EFR3B: variants seen among roughly 807,000 people sequenced by gnomAD.
EFR3B encodes EFR3 homolog B, also known as protein EFR3 homolog B.
Under a neutral mutation model 104.7 loss-of-function variants are expected in EFR3B, and 64 were observed. The observed-to-expected ratio is 0.61, with a 90% CI of 0.50 to 0.75. EFR3B has a LOEUF of 0.75. Among genes scored for constraint, EFR3B ranks in the 30% least tolerant of loss-of-function variants. EFR3B has a pLI of 0.00. For synonymous variants in EFR3B, 385 were observed against 417.9 expected (o/e 0.92, Z 0.96); for missense variants, 750 against 1,078.5 (o/e 0.70, Z 4.27).
At chr2:25,053,665 G>C (rs1299689396) in intron 1 of EFR3B, among the ~76,000 whole-genome samples, 1 of 152,182 alleles carries the variant, frequency 6.6e-6, no homozygotes, top group Non-Finnish European at 1.5e-5. Flanking sequence ...AGCACTTTGG[G>C]AGGCTGAGGT....
chr2:25,142,010 C>T lies in EFR3B; in HGVS notation c.1922+577C>T, dbSNP rs529666994. Among the ~76,000 whole-genome samples, 42 of 152,196 alleles carry T rather than the reference C, an allele frequency of 2.8e-4. No homozygotes were observed. The South Asian group carries it at 4.0e-3, about 14-fold the overall frequency. On this transcript the variant is annotated intron_variant, in intron 17 of 22. Coordinates refer to ENST00000403714, the MANE Select transcript of EFR3B (RefSeq NM_014971.2). Reference sequence around the variant, plus strand: ...GGATATCTGTGTATATTTAAAAATACGGGACTAAGCTGGGTGCGGTGGCTC... The same window carrying T: ...GGATATCTGTGTATATTTAAAAATATGGGACTAAGCTGGGTGCGGTGGCTC...
chr2:25,140,002 T>G (rs114430606), intron 16 of EFR3B, among the ~76,000 whole-genome samples: 1 of 152,142 alleles, frequency 6.6e-6, no homozygotes, highest in African/African-American at 2.4e-5. Flanking sequence ...GATACCAACA[T>G]GTAGGATTAA....
At chr2:25,128,126 G>T in intron 5 of EFR3B, 57 bp from the exon 6 acceptor site, 1 of 1,544,524 alleles carries the variant, frequency 6.5e-7, no homozygotes, top group Middle Eastern at 1.7e-4. Flanking sequence ...AGCCACCGAA[G>T]CTGGACTTCT....
chr2:25,042,179 T>C lies in EFR3B; in HGVS notation c.-134T>C, dbSNP rs1257305866. 4 of 914,668 alleles carry C rather than the reference T, an allele frequency of 4.4e-6. No individual in the cohort carries two copies. The highest frequency in any genetic ancestry group is 5.6e-6 in the Non-Finnish European group (4 of 712,968). 56.7% of individuals were successfully genotyped at this position (914,668 alleles called of 1,614,324 possible). On this transcript the variant is annotated 5_prime_UTR_variant, in exon 1 of 23. Coordinates refer to ENST00000403714, the MANE Select transcript of EFR3B (RefSeq NM_014971.2). The surrounding 1 kb of genome is among the most constrained non-coding windows in gnomAD (Gnocchi z 5.4). ...GCCCGCGGCCGGCCCCCGCGTCTGC[T>C]CCCTCCCCGCCCGGGCCCCTGTCGG...
rs57922304 is a variant in EFR3B at position 25,071,259 on chromosome 2, C to CT, written c.8-20049dup. On this transcript the variant is annotated intron_variant, in intron 1 of 22. Coordinates refer to ENST00000403714, the MANE Select transcript of EFR3B (RefSeq NM_014971.2). ...ACAGGCATGAGCCACCGTGCCCGGC[C>CT]TTTTTTTTTTTTTTTTTCTGAGACA... is the stretch of plus-strand genomic sequence containing the variant. Among the ~76,000 whole-genome samples, 720 of 116,952 alleles carry CT rather than the reference C, an allele frequency of 6.2e-3. 6 individuals carry two copies. Among genetic ancestry groups the CT allele is most frequent in the African/African-American group, 0.015 (470 of 30,770 alleles). The allele number at this position is 116,952 out of a possible 152,430, so 76.7% of individuals were successfully genotyped here. A position where few individuals can be genotyped will look rare whatever the true frequency, so the allele number is the denominator to read the frequency against.
At chr2:25,079,827 CAAT>C in intron 1 of EFR3B, 1 of 740,346 alleles carries the variant, frequency 1.4e-6, no homozygotes, top group Non-Finnish European at 2.4e-6. Flanking sequence ...CCAAAAAGAA[CAAT>C]AACACAGAAC....
chr2:25,043,530 T>A (rs1425640703), intron 1 of EFR3B, among the ~76,000 whole-genome samples: 1 of 152,134 alleles, frequency 6.6e-6, no homozygotes, highest in Non-Finnish European at 1.5e-5. Flanking sequence ...ATCGGTCTCC[T>A]TCCCTGCCCA....
rs890851682 is a variant in EFR3B, at chr2:25,156,216, T to C, written c.*1876T>C. On this transcript the variant is annotated 3_prime_UTR_variant, in exon 23 of 23. Coordinates refer to ENST00000403714, the MANE Select transcript of EFR3B (RefSeq NM_014971.2). ...AGGGGCTATTTGACCCTCATTCCCA[T>C]AGTTTTGGCACTTCAAATGAAGCTC... The C allele has an allele frequency of 6.6e-6, 1 of 151,864 alleles. No homozygotes were observed. Among genetic ancestry groups the C allele is most frequent in the Non-Finnish European group, 1.5e-5 (1 of 67,996 alleles). 9.4% of individuals were successfully genotyped at this position (151,864 alleles called of 1,614,324 possible).
intron 1 of EFR3B, chr2:25,080,992 C>A: frequency 2.6e-6 from 2 of 756,648 alleles, no homozygotes; most frequent in South Asian, 2.8e-5. Flanking sequence ...TCAACAGGTT[C>A]TTTAATTGCA....
intron 4 of EFR3B, among the ~76,000 whole-genome samples, chr2:25,107,977 GCGTGCA>G (rs1228271461): frequency 6.6e-6 from 1 of 152,054 alleles, no homozygotes; most frequent in Admixed American, 6.5e-5. Flanking sequence ...GGGATTACAG[GCGTGCA>G]CCACCATGCC....
chr2:25,148,912 A>C (rs1573239662), intron 19 of EFR3B, among the ~76,000 whole-genome samples: 1 of 101,432 alleles, frequency 9.9e-6, no homozygotes, highest in Non-Finnish European at 1.9e-5. Context: ...ACAGAGCGAG[A>C]CTCCGTCTCA....
intron 4 of EFR3B, chr2:25,115,861 G>A (rs767631492): frequency 6.6e-6 from 1 of 152,222 alleles, no homozygotes. Flanking sequence ...TGTTAACTGG[G>A]CCTGGCCTCG....
intron 1 of EFR3B, among the ~76,000 whole-genome samples, chr2:25,055,206 T>C (rs772496433): frequency 6.6e-6 from 1 of 152,248 alleles, no homozygotes; most frequent in Admixed American, 6.5e-5. Context: ...CAGAGCTTCA[T>C]GTGACATTAA....
chr2:25,126,755 A>C lies in EFR3B; in HGVS notation c.486-1428A>C, dbSNP rs117402838. ...AAGCTATATACTGGCCTTGCCTCCC[A>C]AAGTGCTGGGGTTACAGGTGTGAGC... On this transcript the variant is annotated intron_variant, in intron 5 of 22. Coordinates refer to ENST00000403714, the MANE Select transcript of EFR3B (RefSeq NM_014971.2). Among the ~76,000 whole-genome samples, 3,681 of 151,918 alleles carry C rather than the reference A, an allele frequency of 0.024. 303 individuals are homozygous for C. The East Asian group carries it at 0.3, about 13-fold the overall frequency.
In EFR3B at chr2:25,131,962, G is replaced by A; in HGVS notation, c.1147+51G>A. On this transcript the variant is annotated intron_variant, in intron 10 of 22. Coordinates refer to ENST00000403714, the MANE Select transcript of EFR3B (RefSeq NM_014971.2). This position sits in a 1 kb window ranked among gnomAD's most constrained non-coding sequence, Gnocchi z 7.6. ...GGGGCGGGGCCGAGGCGCGGAGTGG[G>A]GAGGGGAGGGGAGGGACGGGACGGG... 1 of 1,265,026 alleles carries A rather than the reference G, an allele frequency of 7.9e-7. No homozygotes were observed. Among genetic ancestry groups the A allele is most frequent in the Non-Finnish European group, 1.0e-6 (1 of 971,374 alleles). The allele number at this position is 1,265,026 out of a possible 1,614,324, so 78.4% of individuals were successfully genotyped here. A position where few individuals can be genotyped will look rare whatever the true frequency, so the allele number is the denominator to read the frequency against.
intron 5 of EFR3B, among the ~76,000 whole-genome samples, chr2:25,127,049 G>A (rs565982240): frequency 1.3e-5 from 2 of 151,648 alleles, no homozygotes; most frequent in East Asian, 2.0e-4. Flanking sequence ...AAAATTAGCC[G>A]GGCATAGTGG....
chr2:25,091,243 C>G (rs1669104771), intron 1 of EFR3B, 82 bp from the exon 2 acceptor site: 3 of 1,361,266 alleles, frequency 2.2e-6, no homozygotes, highest in Admixed American at 4.5e-5. Context: ...CTGCCACTCA[C>G]AGGCTGCCCT....
chr2:25,074,774 A>G (rs940156584), intron 1 of EFR3B, among the ~76,000 whole-genome samples: 7 of 151,416 alleles, frequency 4.6e-5, no homozygotes, highest in African/African-American at 1.7e-4. Flanking sequence ...CATGCACCAC[A>G]TTAGGCTAAT....
At chr2:25,121,830 T>G (rs1344425543) in intron 5 of EFR3B, 36 bp downstream of exon 5, 2 of 1,551,514 alleles carry the variant, frequency 1.3e-6, no homozygotes, top group East Asian at 4.9e-5. Context: ...TGGTTCAGCT[T>G]ACAGCAGAAG....
Sources: gnomAD v4.1 joint callset for allele counts (sites outside exome capture counted in the v4.1 genomes callset) on GRCh38, gnomAD v4.1.1 for gene constraint, Gnocchi (gnomAD v3.1) non-coding constraint, MANE v1.5 for transcripts, NCBI Gene and HGNC (gene_info 2026-07-23, HGNC 2026-07-21) for gene names.